Variants in TMEM178A observed in about 807,000 individuals in gnomAD.
TMEM178A encodes transmembrane protein 178A, also known as transmembrane protein 178.
A neutral mutation model predicts 29.1 loss-of-function variants in TMEM178A; 12 were observed. That is an observed-to-expected ratio of 0.41 (90% CI 0.26 to 0.67). TMEM178A has a LOEUF of 0.67. Ranked by LOEUF, TMEM178A falls within the 30% of genes least tolerant of loss-of-function variation. The pLI is 0.29. For missense variants in TMEM178A, 366 were observed against 419.1 expected, an observed-to-expected ratio of 0.87 and a Z score of 1.11; for synonymous variants, 210 against 187.2, an observed-to-expected ratio of 1.12 and a Z score of -0.99.
intron 1 of TMEM178A, among the ~76,000 whole-genome samples, chr2:39,690,120 G>T (rs951137565): frequency 5.3e-5 from 8 of 152,300 alleles, no homozygotes; most frequent in African/African-American, 1.7e-4. Context: ...GGGAACCTAG[G>T]AGCAGGGAAG....
At position 39,704,099 on chromosome 2, in the gene TMEM178A, C is replaced by T. The variant is rs989096835; in HGVS notation, c.419C>T (p.Thr140Met). ...CTTCAAGGTATTGCGCAGCGATGCA[C>T]GGCCATCAAGTACCACTTTTCTCAG... ...LILKGIAQRC[T>M]AIKYHFSQPI... Residue 140 changes from threonine (T) to methionine (M), a missense_variant, in exon 2 of 4, where the codon ACG becomes ATG. This residue lies in a region of TMEM178A where 247 missense variants were observed against 246.8 expected (regional missense o/e 1.00). Coordinates refer to ENST00000281961, the MANE Select transcript of TMEM178A (RefSeq NM_152390.3). The T allele has an allele frequency of 1.2e-6, 2 of 1,614,022 alleles. No individual in the cohort carries two copies. The highest frequency in any genetic ancestry group is 1.1e-5 in the South Asian group (1 of 91,074).
intron 1 of TMEM178A, among the ~76,000 whole-genome samples, chr2:39,681,943 A>G (rs1220336587): frequency 6.6e-6 from 1 of 152,078 alleles, no homozygotes; most frequent in Non-Finnish European, 1.5e-5. Flanking sequence ...AGGAATAGGA[A>G]CCCTGAGAAC....
At chr2:39,694,705 T>C (rs1671464850) in intron 1 of TMEM178A, among the ~76,000 whole-genome samples, 1 of 152,238 alleles carries the variant, frequency 6.6e-6, no homozygotes, top group Admixed American at 6.5e-5. Context: ...GAAAAAACTA[T>C]ATAAAATATC....
At chr2:39,665,760 G>T (rs1201345661), upstream of TMEM178A, 2 of 402,444 alleles carry the variant, frequency 5.0e-6, no homozygotes, top group Non-Finnish European at 8.4e-6. Context: ...AGGAGCCCGG[G>T]GGCCGGGCCG....
chr2:39,708,823 G>C (rs1672175920), intron 3 of TMEM178A, among the ~76,000 whole-genome samples: 1 of 152,130 alleles, frequency 6.6e-6, no homozygotes, highest in South Asian at 2.1e-4. Flanking sequence ...CAGGTGCTGA[G>C]TTGATGGCTA....
intron 1 of TMEM178A, among the ~76,000 whole-genome samples, chr2:39,693,845 A>G (rs1385264195): frequency 1.3e-5 from 2 of 152,182 alleles, no homozygotes; most frequent in African/African-American, 4.8e-5. Flanking sequence ...TAAGTACATT[A>G]AAGGAGATTT....
chr2:39,711,875 C>G (rs1234052894), intron 3 of TMEM178A, among the ~76,000 whole-genome samples: 1 of 152,090 alleles, frequency 6.6e-6, no homozygotes, highest in East Asian at 1.9e-4. Flanking sequence ...ATCTTGAAAT[C>G]AAATACATTA....
chr2:39,729,279 CCT>C, the TMEM178A span, among the ~76,000 whole-genome samples: 2 of 152,278 alleles, frequency 1.3e-5, no homozygotes, highest in South Asian at 4.1e-4. Flanking sequence ...CCAGCTAGCC[CCT>C]GAGGCCAGAT....
chr2:39,707,715 C>T (rs1219050721), intron 3 of TMEM178A, among the ~76,000 whole-genome samples: 2 of 152,224 alleles, frequency 1.3e-5, no homozygotes, highest in Non-Finnish European at 1.5e-5. Context: ...ATCTGCCTGC[C>T]TCAGCCTCCC....
intron 1 of TMEM178A, among the ~76,000 whole-genome samples, chr2:39,681,138 A>C (rs1670853421): frequency 6.6e-6 from 1 of 152,138 alleles, no homozygotes; most frequent in Admixed American, 6.5e-5. Context: ...GTTTATACTG[A>C]TGAAAGGACA....
intron 1 of TMEM178A, among the ~76,000 whole-genome samples, chr2:39,683,169 C>T (rs1443732003): frequency 2.6e-5 from 4 of 152,170 alleles, no homozygotes; most frequent in African/African-American, 7.2e-5. Context: ...AATACGGTGT[C>T]GTCCATTTCA....
chr2:39,727,401 T>G, the TMEM178A span, among the ~76,000 whole-genome samples: 1 of 152,328 alleles, frequency 6.6e-6, no homozygotes, highest in South Asian at 2.1e-4. Context: ...CTAAAAAAAC[T>G]CACCTGGATT....
upstream of TMEM178A, chr2:39,665,864 G>C (rs1162135354): frequency 4.0e-6 from 4 of 1,002,864 alleles, no homozygotes; most frequent in South Asian, 1.1e-4. Context: ...GGAGGGAGGT[G>C]GGGGGCAGGT....
chr2:39,689,124 A>C (rs919200204), intron 1 of TMEM178A, among the ~76,000 whole-genome samples: 1 of 152,222 alleles, frequency 6.6e-6, no homozygotes, highest in Non-Finnish European at 1.5e-5. Context: ...CAAACTTTTG[A>C]AAGTGTAGCT....
chr2:39,730,443 G>T, the TMEM178A span, among the ~76,000 whole-genome samples: 1 of 152,148 alleles, frequency 6.6e-6, no homozygotes, highest in Non-Finnish European at 1.5e-5. Context: ...GGTCCGTCAA[G>T]TTTCCCACGT....
the TMEM178A span, among the ~76,000 whole-genome samples, chr2:39,732,140 T>C: frequency 5.9e-5 from 9 of 152,216 alleles, no homozygotes; most frequent in Admixed American, 6.5e-5. Context: ...GTGTATAATG[T>C]GGACTACTCC....
At chr2:39,732,632 T>C in the TMEM178A span, among the ~76,000 whole-genome samples, 1 of 152,194 alleles carries the variant, frequency 6.6e-6, no homozygotes, top group Non-Finnish European at 1.5e-5. Context: ...ATAGGAGAGC[T>C]TGGCTTTGCT....
At chr2:39,734,928 C>A in the TMEM178A span, among the ~76,000 whole-genome samples, 1 of 152,302 alleles carries the variant, frequency 6.6e-6, no homozygotes, top group South Asian at 2.1e-4. Context: ...GTGCCTCCTA[C>A]CAACACGACT....
chr2:39,717,348 C>G lies in TMEM178A; in HGVS notation c.*97C>G. On this transcript the variant is annotated 3_prime_UTR_variant, in exon 4 of 4. Coordinates refer to ENST00000281961, the MANE Select transcript of TMEM178A (RefSeq NM_152390.3). ...CACAAAGCGGTCTTTTACATTCCAA[C>G]CTGTTGCCTGCCAGCCCTTTCTGGA... 1 of 1,478,108 alleles carries G rather than the reference C, an allele frequency of 6.8e-7. No individual in the cohort carries two copies. The highest frequency in any genetic ancestry group is 1.4e-5 in the South Asian group (1 of 71,140). 91.6% of individuals were successfully genotyped at this position (1,478,108 alleles called of 1,614,324 possible).
Sources: allele counts gnomAD v4.1 joint callset (sites outside exome capture counted in the v4.1 genomes callset), GRCh38; gene constraint gnomAD v4.1.1; regional missense constraint gnomAD v4.1.1; transcripts MANE v1.5; gene names NCBI Gene and HGNC (gene_info 2026-07-23, HGNC 2026-07-21).